Variants in GTF2A1L observed in about 807,000 individuals in gnomAD.
The protein encoded by GTF2A1L is general transcription factor IIA subunit 1 like, also known as TFIIA-alpha and beta-like factor.
Under a neutral mutation model 49.7 loss-of-function variants are expected in GTF2A1L, and 48 were observed. That is an observed-to-expected ratio of 0.97 (90% confidence interval 0.77 to 1.23). GTF2A1L has a LOEUF of 1.23. GTF2A1L is among the 50% of genes most tolerant of loss of function. The probability of loss-of-function intolerance (pLI) is 0.00; values close to 1 mark genes in which losing one functional copy is unlikely to be tolerated. For synonymous variants in GTF2A1L, 246 were observed against 193.5 expected (o/e 1.27, Z -2.25); for missense variants, 736 against 564.8 (o/e 1.30, Z -3.07).
Position 48,646,449 on chromosome 2 carries a change from T to A in GTF2A1L, c.389-4T>A, listed in dbSNP as rs760759716. 25 of 1,568,600 alleles carry A rather than the reference T, an allele frequency of 1.6e-5. No individual in the cohort carries two copies. The highest frequency in any genetic ancestry group is 2.1e-5 in the Non-Finnish European group (25 of 1,163,050). ...ACTTACAATTTTGCTTTCTCCTTTT[T>A]AAGGTCACCTTTATAAAGTCAATGT... is the stretch of plus-strand genomic sequence containing the variant. On this transcript the variant is annotated splice_polypyrimidine_tract_variant and splice_region_variant and intron_variant, in intron 5 of 8. Coordinates refer to ENST00000403751, the MANE Select transcript of GTF2A1L (RefSeq NM_006872.5).
chr2:48,619,977 T>C (rs1675888520), intron 1 of GTF2A1L, among the ~76,000 whole-genome samples: 1 of 152,194 alleles, frequency 6.6e-6, no homozygotes, highest in Admixed American at 6.5e-5. Context: ...ACAGGTGTAT[T>C]TGATAATGGT....
chr2:48,632,988 T>C (rs567156587), intron 3 of GTF2A1L: 1 of 209,188 alleles, frequency 4.8e-6, no homozygotes, highest in East Asian at 1.4e-4. Flanking sequence ...ATTAGTAAGA[T>C]GTGCTTGGTT....
chr2:48,624,713 C>A (rs1467266376), intron 3 of GTF2A1L, among the ~76,000 whole-genome samples: 1 of 142,244 alleles, frequency 7.0e-6, no homozygotes, highest in African/African-American at 2.5e-5. Context: ...TATTTTCTCC[C>A]TTCCTGCCTC....
At chr2:48,640,814 A>G (rs1677158559) in intron 3 of GTF2A1L, among the ~76,000 whole-genome samples, 1 of 152,208 alleles carries the variant, frequency 6.6e-6, no homozygotes, top group African/African-American at 2.4e-5. Flanking sequence ...CATCTTGAAT[A>G]TTAAAATTTG....
chr2:48,656,708 T>C (rs1678197673), intron 6 of GTF2A1L, among the ~76,000 whole-genome samples: 1 of 152,270 alleles, frequency 6.6e-6, no homozygotes, highest in East Asian at 1.9e-4. Flanking sequence ...GTGAAGTCCA[T>C]TTTATCTATT....
Position 48,646,664 on chromosome 2 carries a change from A to C in GTF2A1L, c.600A>C (p.Leu200=), listed in dbSNP as rs764723958. ...IETVLQQPAI[L]PSGPVDRKHL... is the part of the protein sequence containing the mutation. ...CCGTGCTACAGCAACCCGCAATTCT[A>C]CCTTCTGGGCCAGTAGATAGGAAAC... Residue 200 remains leucine (L), a synonymous_variant, in exon 6 of 9, where the codon CTA becomes CTC. Coordinates refer to ENST00000403751, the MANE Select transcript of GTF2A1L (RefSeq NM_006872.5). 3.8e-5 allele frequency: 61 copies of C among 1,614,052 alleles called. No individual in the cohort carries two copies. In the Admixed American group the frequency reaches 4.5e-4, roughly 12 times the overall value.
rs185275199 is a variant in GTF2A1L at position 48,662,177 on chromosome 2, C to A, written c.979-7545C>A. ...TTACTCGTTTACAACTTTGCCCTCC[C>A]CTACTTTGTCTTATTGTTGTTACAG... is the stretch of plus-strand genomic sequence containing the variant. On this transcript the variant is annotated intron_variant, in intron 6 of 8. Coordinates refer to ENST00000403751, the MANE Select transcript of GTF2A1L (RefSeq NM_006872.5). Among the ~76,000 whole-genome samples the A allele has an allele frequency of 1.1e-4, 16 of 152,272 alleles. No individual in the cohort carries two copies. The East Asian group carries it at 1.3e-3, about 13-fold the overall frequency.
chr2:48,667,561 T>A (rs1206903794), intron 6 of GTF2A1L, among the ~76,000 whole-genome samples: 2 of 152,228 alleles, frequency 1.3e-5, no homozygotes, highest in Non-Finnish European at 2.9e-5. Flanking sequence ...TTATCTTATT[T>A]ATGTAATTTG....
Position 48,621,263 on chromosome 2 carries a change from T to C in GTF2A1L, c.220T>C (p.Leu74=). Residue 74 remains leucine, a synonymous_variant, in exon 3 of 9, where the codon TTG becomes CTG. Transcript: ENST00000403751. The part of the protein sequence containing the change: ...PLFTLQLPHS[L]HQTLQSSTAS... ...GTTTACTCTTCAGTTGCCGCACAGCTTGCACCAAACATTGCAATCGTCAAC... is the reference window on the plus strand; with the variant it reads ...GTTTACTCTTCAGTTGCCGCACAGCCTGCACCAAACATTGCAATCGTCAAC... 1 of 1,614,126 alleles carries C rather than the reference T, an allele frequency of 6.2e-7. No homozygotes were observed. The highest frequency in any genetic ancestry group is 1.3e-5 in the African/African-American group (1 of 75,030).
chr2:48,672,573 A>T lies in GTF2A1L; in HGVS notation c.1329+893A>T, dbSNP rs190818121. Among the ~76,000 whole-genome samples, 195 of 152,290 alleles carry T rather than the reference A, an allele frequency of 1.3e-3. 5 individuals carry two copies. Among genetic ancestry groups the T allele is most frequent in the Admixed American group, 0.013 (193 of 15,300 alleles). On this transcript the variant is annotated intron_variant, in intron 8 of 8. Coordinates refer to ENST00000403751, the MANE Select transcript of GTF2A1L (RefSeq NM_006872.5). ...TAAGAACATGGAGAAGTCAGAGGTT[A>T]TGATGGAAAAATCGGTGGGACTTGG...
At chr2:48,635,028 C>A (rs1156950190) in intron 3 of GTF2A1L, among the ~76,000 whole-genome samples, 1 of 152,194 alleles carries the variant, frequency 6.6e-6, no homozygotes, top group Non-Finnish European at 1.5e-5. Flanking sequence ...CCCAAGTTCT[C>A]TGCACAGTGA....
At chr2:48,650,928 A>G (rs1478381840) in intron 6 of GTF2A1L, among the ~76,000 whole-genome samples, 1 of 152,188 alleles carries the variant, frequency 6.6e-6, no homozygotes, top group Non-Finnish European at 1.5e-5. Flanking sequence ...TGTGAAAAGA[A>G]TGTGTATTGT....
chr2:48,662,650 A>AT (rs1300729787), intron 6 of GTF2A1L, among the ~76,000 whole-genome samples: 2 of 124,088 alleles, frequency 1.6e-5, no homozygotes, highest in African/African-American at 3.3e-5. Context: ...ATCTTGGTTG[A>AT]TCTTTTTTTT....
intron 3 of GTF2A1L, among the ~76,000 whole-genome samples, chr2:48,621,683 T>C (rs1676006286): frequency 6.6e-6 from 1 of 152,178 alleles, no homozygotes; most frequent in South Asian, 2.1e-4. Context: ...TTTTTGTGTA[T>C]ATTATAAATC....
chr2:48,666,041 T>A (rs970176609), intron 6 of GTF2A1L, among the ~76,000 whole-genome samples: 1 of 152,152 alleles, frequency 6.6e-6, no homozygotes, highest in African/African-American at 2.4e-5. Context: ...ATTTAATGTT[T>A]TTTATTTATC....
At chr2:48,618,737 A>T (rs1476391333) in intron 1 of GTF2A1L, among the ~76,000 whole-genome samples, 1 of 152,244 alleles carries the variant, frequency 6.6e-6, no homozygotes, top group Non-Finnish European at 1.5e-5. Context: ...ATGCCAATTT[A>T]TCTGATTGTG....
At position 48,646,717 on chromosome 2, in the gene GTF2A1L, T is replaced by C. The variant is rs200827425; in HGVS notation, c.653T>C (p.Leu218Pro). The change falls in exon 6 of 9, where the codon CTT becomes CCT. Residue 218 changes from leucine to proline, a missense_variant. Leu to Pro is a moderately conservative substitution (Grantham distance 98). Coordinates refer to ENST00000403751, the MANE Select transcript of GTF2A1L (RefSeq NM_006872.5). The stretch of plus-strand genomic sequence containing the variant: ...TTAGAAAATGCCACCAGTGATATAC[T>C]TGTATCTCCTGGAAATGAGCATAAA... ...KHLENATSDI[L>P]VSPGNEHKIV... 21 of 1,614,084 alleles carry C rather than the reference T, an allele frequency of 1.3e-5. No homozygotes were observed. Among genetic ancestry groups the C allele is most frequent in the Non-Finnish European group, 1.8e-5 (21 of 1,180,030 alleles).
chr2:48,643,930 C>T (rs1257140997), intron 4 of GTF2A1L, among the ~76,000 whole-genome samples: 1 of 152,070 alleles, frequency 6.6e-6, no homozygotes, highest in African/African-American at 2.4e-5. Context: ...AACTCCTGAC[C>T]TCAAGTGATC....
At chr2:48,652,180 G>A (rs940387852) in intron 6 of GTF2A1L, among the ~76,000 whole-genome samples, 4 of 152,172 alleles carry the variant, frequency 2.6e-5, no homozygotes, top group African/African-American at 4.8e-5. Context: ...ATGAGGCTAC[G>A]TAAATTCAAG....
Sources: gnomAD v4.1 joint callset for allele counts (sites outside exome capture counted in the v4.1 genomes callset) on GRCh38, gnomAD v4.1.1 for gene constraint, MANE v1.5 for transcripts, NCBI Gene and HGNC (gene_info 2026-07-23, HGNC 2026-07-21) for gene names.